SLMAP: variants seen among roughly 807,000 people sequenced by gnomAD.
SLMAP encodes the protein sarcolemmal membrane-associated protein.
SLMAP carries 44 observed loss-of-function variants against 128.8 expected under a neutral mutation model. That is an observed-to-expected ratio of 0.34 (90% CI 0.27 to 0.44). The LOEUF is 0.44. Among genes scored for constraint, SLMAP ranks in the 20% least tolerant of loss-of-function variants. SLMAP has a pLI of 1.00. For synonymous variants in SLMAP, 327 were observed against 348.8 expected (o/e 0.94, Z 0.70); for missense variants, 787 against 985.3 (o/e 0.80, Z 2.69).
Position 57,910,381 on chromosome 3 carries a change from A to G in SLMAP, c.1699+1231A>G, listed in dbSNP as rs151149628. Among the ~76,000 whole-genome samples the G allele has an allele frequency of 4.1e-3, 628 of 151,906 alleles. 6 individuals are homozygous for G. The highest frequency in any genetic ancestry group is 0.015 in the African/African-American group (608 of 41,416). ...GTATTTTTAGCAGAGATGGGGTTTC[A>G]CTATATTGGCCAGGCTGGTCTCAAA... On this transcript the variant is annotated intron_variant, in intron 19 of 24. Coordinates refer to ENST00000671191, the MANE Select transcript of SLMAP (RefSeq NM_001377540.1).
chr3:57,919,528 C>T (rs927756942), intron 22 of SLMAP, among the ~76,000 whole-genome samples: 2 of 152,120 alleles, frequency 1.3e-5, no homozygotes, highest in Non-Finnish European at 2.9e-5. Context: ...GGTGCAGTGG[C>T]TCACTCCTGT....
At chr3:57,925,598 G>A (rs1327361375) in intron 23 of SLMAP, among the ~76,000 whole-genome samples, 1 of 152,174 alleles carries the variant, frequency 6.6e-6, no homozygotes, top group Non-Finnish European at 1.5e-5. Context: ...AAAGTGCTGG[G>A]ATTACAGGCA....
At position 57,917,080 on chromosome 3, in the gene SLMAP, A is replaced by G. The variant is rs552271942; in HGVS notation, c.2310+3A>G. ...AAGCAAAGGATGTGCAGAAAGAGGT[A>G]AAGCGAAAAGACATTATGAGCCCAA... On this transcript the variant is annotated splice_donor_region_variant and intron_variant, in intron 22 of 24. Transcript: ENST00000671191. 6.2e-7 allele frequency: 1 copy of G among 1,613,818 alleles called. No individual in the cohort carries two copies. The highest frequency in any genetic ancestry group is 1.3e-5 in the African/African-American group (1 of 75,048).
At chr3:57,827,028 G>C (rs920997039) in intron 2 of SLMAP, among the ~76,000 whole-genome samples, 2 of 152,140 alleles carry the variant, frequency 1.3e-5, no homozygotes, top group African/African-American at 4.8e-5. Context: ...TCTGATTTTA[G>C]GTGGTGATTC....
chr3:57,786,988 G>A (rs1003630614), intron 2 of SLMAP, among the ~76,000 whole-genome samples: 8 of 151,932 alleles, frequency 5.3e-5, no homozygotes, highest in South Asian at 2.1e-4. Flanking sequence ...CGCCCGCCTC[G>A]GCCTCCCAAA....
At chr3:57,897,181 G>A in intron 17 of SLMAP, 3 of 1,118,490 alleles carry the variant, frequency 2.7e-6, no homozygotes, top group Admixed American at 4.0e-5. Flanking sequence ...ATGAAATGCA[G>A]CTGTGTTTTT....
intron 2 of SLMAP, among the ~76,000 whole-genome samples, chr3:57,790,030 T>G (rs953100341): frequency 2.0e-5 from 3 of 151,940 alleles, no homozygotes; most frequent in Non-Finnish European, 4.4e-5. Context: ...AGAGACGGGG[T>G]TTCACCATGT....
chr3:57,807,766 A>AAG (rs1225636660), intron 2 of SLMAP, among the ~76,000 whole-genome samples: 1 of 152,178 alleles, frequency 6.6e-6, no homozygotes, highest in East Asian at 1.9e-4. Context: ...TTTTGGTATC[A>AAG]GGATGATGCT....
chr3:57,870,034 G>GTT (rs1220231466), intron 13 of SLMAP, among the ~76,000 whole-genome samples: 1 of 151,978 alleles, frequency 6.6e-6, no homozygotes, highest in Non-Finnish European at 1.5e-5. Context: ...TTAATGTAGA[G>GTT]TTCAGATAAA....
At chr3:57,796,179 A>G (rs564097533) in intron 2 of SLMAP, among the ~76,000 whole-genome samples, 1 of 152,278 alleles carries the variant, frequency 6.6e-6, no homozygotes, top group South Asian at 2.1e-4. Context: ...ATAACTATCA[A>G]AGGTTTTATG....
intron 17 of SLMAP, among the ~76,000 whole-genome samples, chr3:57,904,689 C>T (rs990762110): frequency 3.3e-5 from 5 of 152,080 alleles, no homozygotes; most frequent in African/African-American, 4.8e-5. Context: ...ATCACTTAAG[C>T]CCAGGAGTTC....
chr3:57,911,527 C>G (rs1408523166), intron 19 of SLMAP, among the ~76,000 whole-genome samples: 2 of 152,204 alleles, frequency 1.3e-5, no homozygotes, highest in East Asian at 3.9e-4. Flanking sequence ...TTTTAAAAAT[C>G]TATATAACCC....
Position 57,929,763 on chromosome 3 carries a change from T to A in SLMAP, c.*2474T>A, listed in dbSNP as rs2097051618. 6.6e-6 allele frequency among the ~76,000 whole-genome samples: 1 copy of A among 152,212 alleles called. No homozygotes were observed. The highest frequency in any genetic ancestry group is 1.5e-5 in the Non-Finnish European group (1 of 68,028). The stretch of plus-strand genomic sequence containing the variant: ...CTTGGTTCTACCTTTTATCAGATGT[T>A]GTTGCCTTGTGCAAATCACATTTTC... On this transcript the variant is annotated 3_prime_UTR_variant, in exon 25 of 25. Coordinates refer to ENST00000671191, the MANE Select transcript of SLMAP (RefSeq NM_001377540.1).
chr3:57,828,811 A>G (rs1292560645), intron 2 of SLMAP, among the ~76,000 whole-genome samples: 4 of 152,182 alleles, frequency 2.6e-5, no homozygotes, highest in African/African-American at 4.8e-5. Flanking sequence ...ACAGGAGTTC[A>G]TGCTGTTGCT....
intron 14 of SLMAP, among the ~76,000 whole-genome samples, chr3:57,883,837 T>C (rs567413675): frequency 5.9e-5 from 9 of 152,200 alleles, no homozygotes; most frequent in African/African-American, 1.4e-4. Flanking sequence ...ACCTGTCAGG[T>C]AGGGCAGGAA....
At chr3:57,758,372 C>G (rs2077984598) in intron 2 of SLMAP, among the ~76,000 whole-genome samples, 1 of 152,048 alleles carries the variant, frequency 6.6e-6, no homozygotes, top group East Asian at 1.9e-4. Flanking sequence ...ACATACTTGC[C>G]CTTGGAGGAG....
At chr3:57,910,698 A>G (rs2153688126) in intron 19 of SLMAP, among the ~76,000 whole-genome samples, 1 of 152,300 alleles carries the variant, frequency 6.6e-6, no homozygotes, top group Non-Finnish European at 1.5e-5. Flanking sequence ...ACCCCAGGAG[A>G]GGTCTTCCTT....
At chr3:57,781,914 A>T (rs1340920037) in intron 2 of SLMAP, among the ~76,000 whole-genome samples, 2 of 151,584 alleles carry the variant, frequency 1.3e-5, no homozygotes, top group Admixed American at 1.3e-4. Flanking sequence ...TGTGTTTTTA[A>T]CTAGATGCGG....
intron 2 of SLMAP, among the ~76,000 whole-genome samples, chr3:57,825,794 G>C (rs921515542): frequency 6.6e-6 from 1 of 152,152 alleles, no homozygotes; most frequent in Admixed American, 6.6e-5. Flanking sequence ...AATGCAGGCT[G>C]ATGTCTCCAA....
Sources: allele counts gnomAD v4.1 joint callset (sites outside exome capture counted in the v4.1 genomes callset), GRCh38; gene constraint gnomAD v4.1.1; transcripts MANE v1.5; gene names NCBI Gene and HGNC (gene_info 2026-07-23, HGNC 2026-07-21).